The following TMEM14C variants were observed in gnomAD, a reference collection of about 807,000 sequenced individuals.
TMEM14C encodes transmembrane protein 14C, also known as chromosome 6 open reading frame 53.
TMEM14C carries 13 observed loss-of-function variants against 14.8 expected under a neutral mutation model. That is an observed-to-expected ratio of 0.88 (90% CI 0.57 to 1.40). The LOEUF (loss-of-function observed/expected upper bound fraction) is 1.40, where lower values mean the gene tolerates loss of function less well. TMEM14C is among the 40% of genes most tolerant of loss of function. The probability of loss-of-function intolerance (pLI) is 0.00; values close to 1 mark genes in which losing one functional copy is unlikely to be tolerated. For synonymous variants in TMEM14C, 57 were observed against 51.3 expected (o/e 1.11, Z -0.48); for missense variants, 142 against 138.8 (o/e 1.02, Z -0.12).
At chr6:10,726,553 G>A (rs568350803) in intron 4 of TMEM14C, among the ~76,000 whole-genome samples, 1 of 152,312 alleles carries the variant, frequency 6.6e-6, no homozygotes, top group Non-Finnish European at 1.5e-5. Context: ...AGCTGGGGGT[G>A]GTGGCGGGTG....
At chr6:10,727,557 C>G (rs1368523231) in intron 4 of TMEM14C, among the ~76,000 whole-genome samples, 1 of 152,120 alleles carries the variant, frequency 6.6e-6, no homozygotes, top group East Asian at 1.9e-4. Context: ...CCAGGCTGGT[C>G]TGTAACTCCT....
rs1191225319 is a variant in TMEM14C, at chr6:10,725,981, G to C, written c.172G>C (p.Asp58His). ...AGLGAYQLSQ[D>H]PRNVWVFLAT... ...CCTGGGTGCTTACCAGCTGTCTCAG[G>C]ATCCAAGGAACGTTTGGGTTTTCCT... The change falls in exon 4 of 6, where the codon GAT (aspartate) becomes CAT (histidine). Residue 58 changes from aspartate to histidine, a missense_variant. By Grantham distance (81) the Asp-to-His change is moderately conservative. Coordinates refer to ENST00000229563, the MANE Select transcript of TMEM14C (RefSeq NM_016462.4). The C allele has an allele frequency of 1.2e-6, 2 of 1,614,016 alleles. No homozygotes were observed. The highest frequency in any genetic ancestry group is 1.3e-5 in the African/African-American group (1 of 74,918).
chr6:10,728,833 T>G, intron 5 of TMEM14C, 106 bp downstream of exon 5: 1 of 1,571,368 alleles, frequency 6.4e-7, no homozygotes, highest in Non-Finnish European at 8.6e-7. Flanking sequence ...TGATGCTATG[T>G]ATCAACTGAC....
chr6:10,724,688 C>G (rs541023533), intron 2 of TMEM14C, 55 bp downstream of exon 2: 2 of 1,543,138 alleles, frequency 1.3e-6, no homozygotes, highest in East Asian at 4.5e-5. Flanking sequence ...ACCAGAGTTC[C>G]TTTCCTTAGC....
chr6:10,728,281 C>G (rs1770925570), intron 4 of TMEM14C, among the ~76,000 whole-genome samples: 1 of 152,196 alleles, frequency 6.6e-6, no homozygotes, highest in African/African-American at 2.4e-5. Context: ...TCGACAGATA[C>G]CCAGTGGGAA....
At position 10,728,667 on chromosome 6, in the gene TMEM14C, T is replaced by A. The variant is rs201712847; in HGVS notation, c.227T>A (p.Met76Lys). ...LATSGTLAGI[M>K]GMRFYHSGKF... ...ACATCTGGTACCTTGGCTGGCATTATGGGAATGAGGTTCTACCACTCTGGA... is the reference window on the plus strand; with the variant it reads ...ACATCTGGTACCTTGGCTGGCATTAAGGGAATGAGGTTCTACCACTCTGGA... The change falls in exon 5 of 6, where the codon ATG (methionine) becomes AAG (lysine). Residue 76 changes from methionine to lysine, a missense_variant. Met to Lys is a moderately conservative substitution (Grantham distance 95). Transcript: ENST00000229563. 1 of 1,614,096 alleles carries A rather than the reference T, an allele frequency of 6.2e-7. No homozygotes were observed. The highest frequency in any genetic ancestry group is 8.5e-7 in the Non-Finnish European group (1 of 1,180,042).
At chr6:10,728,078 T>A (rs1271908241) in intron 4 of TMEM14C, among the ~76,000 whole-genome samples, 1 of 152,210 alleles carries the variant, frequency 6.6e-6, no homozygotes, top group Non-Finnish European at 1.5e-5. Context: ...GGCCTTCCCA[T>A]CCTTCAGCTC....
chr6:10,729,852 C>T (rs1770977617), intron 5 of TMEM14C, among the ~76,000 whole-genome samples: 1 of 151,518 alleles, frequency 6.6e-6, no homozygotes, highest in Admixed American at 6.6e-5. Context: ...AATCCCAGCA[C>T]TTTGGGAGGC....
intron 4 of TMEM14C, among the ~76,000 whole-genome samples, chr6:10,726,562 T>G (rs1444125501): frequency 6.6e-6 from 1 of 151,914 alleles, no homozygotes; most frequent in Non-Finnish European, 1.5e-5. Context: ...TGGTGGCGGG[T>G]GCCTGTAGTC....
chr6:10,726,533 T>C (rs547136049), intron 4 of TMEM14C, among the ~76,000 whole-genome samples: 47 of 152,076 alleles, frequency 3.1e-4, no homozygotes, highest in African/African-American at 1.1e-3. Context: ...CTACTAAAAA[T>C]ACAAAAATTA....
chr6:10,726,462 C>G (rs1278955695), intron 4 of TMEM14C, among the ~76,000 whole-genome samples: 1 of 152,154 alleles, frequency 6.6e-6, no homozygotes, highest in Non-Finnish European at 1.5e-5. Flanking sequence ...GAGGCCGAGG[C>G]AAGTGGATTA....
At chr6:10,724,365 G>T in intron 1 of TMEM14C, 2 of 532,988 alleles carry the variant, frequency 3.8e-6, no homozygotes, top group Non-Finnish European at 6.7e-6. Context: ...CATCTGTTCA[G>T]GGTTTACTAG....
intron 4 of TMEM14C, among the ~76,000 whole-genome samples, chr6:10,726,368 C>G (rs562449235): frequency 6.6e-6 from 1 of 152,280 alleles, no homozygotes; most frequent in African/African-American, 2.4e-5. Flanking sequence ...ATCTGAATTG[C>G]GATTTCCCCA....
rs1046195 is a variant in TMEM14C at position 10,730,878 on chromosome 6, C to A, written c.*212C>A. 1 of 1,225,376 alleles carries A rather than the reference C, an allele frequency of 8.2e-7. No homozygotes were observed. The highest frequency in any genetic ancestry group is 1.0e-6 in the Non-Finnish European group (1 of 978,094). The allele number at this position is 1,225,376 out of a possible 1,614,324, so 75.9% of individuals were successfully genotyped here. A position where few individuals can be genotyped will look rare whatever the true frequency, so the allele number is the denominator to read the frequency against. On this transcript the variant is annotated 3_prime_UTR_variant, in exon 6 of 6. Transcript: ENST00000229563. ...TGTAACACAAGAGCTTAATAAGACC[C>A]TCATAGAGCTTGATTCTTGTATATT... is the stretch of plus-strand genomic sequence containing the variant.
rs568187019 is a variant in TMEM14C at position 10,726,013 on chromosome 6, G to T, written c.199+5G>T. ...GGAACGTTTGGGTTTTCCTAGGTAT[G>T]TCTGCTTTGGCGTCTCCTTAGGGCA... On this transcript the variant is annotated splice_donor_5th_base_variant and intron_variant, in intron 4 of 5. Transcript: ENST00000229563. The T allele has an allele frequency of 5.6e-6, 9 of 1,613,942 alleles. No homozygotes were observed. The African/African-American group carries it at 9.3e-5, about 17-fold the overall frequency.
Position 10,725,901 on chromosome 6 carries a change from C to T in TMEM14C, c.98-6C>T, listed in dbSNP as rs200372824. ...TACAATGCAAGCTGTGTTTGCTTCC[C>T]TCTAGGCAGCGTGCCGTCCCTGGCT... On this transcript the variant is annotated splice_region_variant and splice_polypyrimidine_tract_variant and intron_variant, in intron 3 of 5. Coordinates refer to ENST00000229563, the MANE Select transcript of TMEM14C (RefSeq NM_016462.4). 2.3e-5 allele frequency: 37 copies of T among 1,613,398 alleles called. 1 individual carries two copies. Among genetic ancestry groups the T allele is most frequent in the Middle Eastern group, 3.6e-4 (2 of 5,494 alleles).
At position 10,724,978 on chromosome 6, in the gene TMEM14C, T is replaced by G; in HGVS notation, c.38T>G (p.Phe13Cys). 1 of 1,614,250 alleles carries G rather than the reference T, an allele frequency of 6.2e-7. No homozygotes were observed. Among genetic ancestry groups the G allele is most frequent in the African/African-American group, 1.3e-5 (1 of 75,054 alleles). The part of the protein sequence containing the change: ...DTGSVVPLHW[F>C]GFGYAALVAS... Reference sequence around the variant, plus strand: ...GTTTTCAGAGTGCCTTTGCATTGGTTTGGCTTTGGCTACGCAGCACTGGTT... The same window carrying G: ...GTTTTCAGAGTGCCTTTGCATTGGTGTGGCTTTGGCTACGCAGCACTGGTT... Residue 13 changes from phenylalanine (F) to cysteine (C), a missense_variant, in exon 3 of 6, where the codon TTT becomes TGT. By Grantham distance (205) the Phe-to-Cys change is radical (BLOSUM62 -2). Transcript: ENST00000229563.
intron 5 of TMEM14C, chr6:10,728,978 C>G: frequency 1.3e-6 from 1 of 797,274 alleles, no homozygotes; most frequent in Non-Finnish European, 1.9e-6. Context: ...AAACTCCTCC[C>G]TATATGGTGG....
intron 3 of TMEM14C, among the ~76,000 whole-genome samples, chr6:10,725,247 T>C (rs984595700): frequency 3.9e-5 from 6 of 152,220 alleles, no homozygotes; most frequent in Admixed American, 2.6e-4. Context: ...TGGAATTACT[T>C]GTTTTTGCCT....
Sources: allele counts gnomAD v4.1 joint callset (sites outside exome capture counted in the v4.1 genomes callset), GRCh38; gene constraint gnomAD v4.1.1; transcripts MANE v1.5; gene names NCBI Gene and HGNC (gene_info 2026-07-23, HGNC 2026-07-21).